LYNX1: variants seen among roughly 807,000 people sequenced by gnomAD.
The protein encoded by LYNX1 is Ly6/neurotoxin 1, also known as ly-6/neurotoxin-like protein 1.
Under a neutral mutation model 8.3 loss-of-function variants are expected in LYNX1, and 8 were observed. That is an observed-to-expected ratio of 0.97 (90% CI 0.57 to 1.74). LYNX1 has a LOEUF of 1.74. Among genes scored for constraint, LYNX1 ranks in the 40% most tolerant of loss-of-function variants. The pLI is 0.00. For missense variants in LYNX1, 158 were observed against 159.7 expected (o/e 0.99, Z 0.06); for synonymous variants, 73 against 67.9 (o/e 1.08, Z -0.37).
chr8:142,775,746 G>GCC, intron 2 of LYNX1, 52 bp from the exon 3 acceptor site: 2 of 1,538,770 alleles, frequency 1.3e-6, no homozygotes, highest in African/African-American at 1.4e-5. Context: ...AACATGAGAG[G>GCC]CCCCTCCTCC....
In LYNX1 at chr8:142,772,294, C is replaced by A; in HGVS notation, c.*2873G>T. 1 of 985,876 alleles carries A rather than the reference C, an allele frequency of 1.0e-6. No individual in the cohort carries two copies. Among genetic ancestry groups the A allele is most frequent in the African/African-American group, 1.7e-5 (1 of 57,362 alleles). 61.1% of individuals were successfully genotyped at this position (985,876 alleles called of 1,614,324 possible). On this transcript the variant is annotated 3_prime_UTR_variant, in exon 4 of 4. Coordinates refer to ENST00000652477, the MANE Select transcript of LYNX1 (RefSeq NM_177477.4). ...GATCCCCGAAGTGGGAACTGGGCCC[C>A]CATGGTGCCCAGTGCCTCTCCCCCT...
Position 142,773,820 on chromosome 8 carries a change from A to G in LYNX1, c.*1347T>C. Reference sequence around the variant, plus strand: ...ATCCTGCCCATGCGGGATGGCTTGAAGGGTTTCTCAGGACACCAGAGCTGG... The same window carrying G: ...ATCCTGCCCATGCGGGATGGCTTGAGGGGTTTCTCAGGACACCAGAGCTGG... On this transcript the variant is annotated 3_prime_UTR_variant, in exon 4 of 4. Transcript: ENST00000652477. 2 of 985,300 alleles carry G rather than the reference A, an allele frequency of 2.0e-6. No homozygotes were observed. Among genetic ancestry groups the G allele is most frequent in the Non-Finnish European group, 2.4e-6 (2 of 829,902 alleles). The allele number at this position is 985,300 out of a possible 1,614,324, so 61.0% of individuals were successfully genotyped here.
Position 142,775,141 on chromosome 8 carries a change from T to C in LYNX1, c.*26A>G, listed in dbSNP as rs1815348411. 6.2e-6 allele frequency: 10 copies of C among 1,602,416 alleles called. No homozygotes were observed. The highest frequency in any genetic ancestry group is 8.5e-6 in the Non-Finnish European group (10 of 1,175,468). The stretch of plus-strand genomic sequence containing the variant: ...TAGCAGTGTGTCTCGAGAGCTTTGT[T>C]CTTGAGTGGGTCTGCCTCGGGGGCT... On this transcript the variant is annotated 3_prime_UTR_variant, in exon 4 of 4. Coordinates refer to ENST00000652477, the MANE Select transcript of LYNX1 (RefSeq NM_177477.4).
At position 142,774,505 on chromosome 8, in the gene LYNX1, ACC is replaced by A. The variant is rs970861210; in HGVS notation, c.*660_*661del. 1 of 985,352 alleles carries A rather than the reference ACC, an allele frequency of 1.0e-6. No homozygotes were observed. Among genetic ancestry groups the A allele is most frequent in the African/African-American group, 1.8e-5 (1 of 57,076 alleles). The allele number at this position is 985,352 out of a possible 1,614,324, so 61.0% of individuals were successfully genotyped here. The stretch of plus-strand genomic sequence containing the variant: ...AAGGGGTTTGACTGAGAGGACACAC[ACC>A]CCTTGCTGGACCCGAAAAAGCTTCT... On this transcript the variant is annotated 3_prime_UTR_variant, in exon 4 of 4. Coordinates refer to ENST00000652477, the MANE Select transcript of LYNX1 (RefSeq NM_177477.4).
chr8:142,773,036 G>C lies in LYNX1; in HGVS notation c.*2131C>G, dbSNP rs941519032. ...CCTCCCCATCACCCCACTGAGACTC[G>C]AGACAGGGAGGACCTGATCCTGGAG... On this transcript the variant is annotated 3_prime_UTR_variant, in exon 4 of 4. Coordinates refer to ENST00000652477, the MANE Select transcript of LYNX1 (RefSeq NM_177477.4). The C allele has an allele frequency of 3.0e-6, 3 of 985,460 alleles. No individual in the cohort carries two copies. Among genetic ancestry groups the C allele is most frequent in the Non-Finnish European group, 3.6e-6 (3 of 829,978 alleles). 61.0% of individuals were successfully genotyped at this position (985,460 alleles called of 1,614,324 possible). A position where few individuals can be genotyped will look rare whatever the true frequency, so the allele number is the denominator to read the frequency against.
chr8:142,777,853 G>A, upstream of LYNX1: 1 of 398,764 alleles, frequency 2.5e-6, no homozygotes, highest in Non-Finnish European at 4.4e-6. Flanking sequence ...CCCGCGCCGC[G>A]TCGTTTGTCG....
rs1396855305 is a variant in LYNX1 at position 142,774,036 on chromosome 8, C to T, written c.*1131G>A. 2.0e-6 allele frequency: 2 copies of T among 985,386 alleles called. No individual in the cohort carries two copies. The highest frequency in any genetic ancestry group is 3.5e-5 in the African/African-American group (2 of 57,230). 61.0% of individuals were successfully genotyped at this position (985,386 alleles called of 1,614,324 possible). Reference sequence around the variant, plus strand: ...TGGGGTCCCTGGGAGTCCACACACCCAGCTGGGGCTTCCACCCTGCCCTCC... The same window carrying T: ...TGGGGTCCCTGGGAGTCCACACACCTAGCTGGGGCTTCCACCCTGCCCTCC... On this transcript the variant is annotated 3_prime_UTR_variant, in exon 4 of 4. Transcript: ENST00000652477.
chr8:142,772,532 G>A lies in LYNX1; in HGVS notation c.*2635C>T, dbSNP rs1815226391. The A allele has an allele frequency of 2.0e-6, 2 of 985,406 alleles. No individual in the cohort carries two copies. Among genetic ancestry groups the A allele is most frequent in the African/African-American group, 1.7e-5 (1 of 57,252 alleles). 61.0% of individuals were successfully genotyped at this position (985,406 alleles called of 1,614,324 possible). On this transcript the variant is annotated 3_prime_UTR_variant, in exon 4 of 4. Coordinates refer to ENST00000652477, the MANE Select transcript of LYNX1 (RefSeq NM_177477.4). The stretch of plus-strand genomic sequence containing the variant: ...GCAGGGGGTGGTGAGTGAGCGAGGA[G>A]GCACTAGTGTGGGGCAGCTACTTCA...
At position 142,771,613 on chromosome 8, in the gene LYNX1, G is replaced by C. The variant is rs979134498; in HGVS notation, c.*3554C>G. On this transcript the variant is annotated 3_prime_UTR_variant, in exon 4 of 4. Transcript: ENST00000652477. ...GATTCAGGCCCTCCCTGCGAGCTGA[G>C]GTTTGAAGAGGAGAGCAGACCACCC... 20 of 985,644 alleles carry C rather than the reference G, an allele frequency of 2.0e-5. No individual in the cohort carries two copies. Among genetic ancestry groups the C allele is most frequent in the Non-Finnish European group, 2.4e-5 (20 of 829,996 alleles). The allele number at this position is 985,644 out of a possible 1,614,324, so 61.1% of individuals were successfully genotyped here.
chr8:142,777,699 A>T (rs1815486519), upstream of LYNX1: 1 of 397,348 alleles, frequency 2.5e-6, no homozygotes, highest in Non-Finnish European at 4.4e-6. Context: ...CAGTCCAGGC[A>T]TCTGGATCTC....
Position 142,772,533 on chromosome 8 carries a change from G to A in LYNX1, c.*2634C>T. 2 of 985,526 alleles carry A rather than the reference G, an allele frequency of 2.0e-6. No homozygotes were observed. Among genetic ancestry groups the A allele is most frequent in the South Asian group, 9.4e-5 (2 of 21,294 alleles). 61.0% of individuals were successfully genotyped at this position (985,526 alleles called of 1,614,324 possible). A position where few individuals can be genotyped will look rare whatever the true frequency, so the allele number is the denominator to read the frequency against. On this transcript the variant is annotated 3_prime_UTR_variant, in exon 4 of 4. Coordinates refer to ENST00000652477, the MANE Select transcript of LYNX1 (RefSeq NM_177477.4). ...CAGGGGGTGGTGAGTGAGCGAGGAG[G>A]CACTAGTGTGGGGCAGCTACTTCAC...
rs1224605080 is a variant in LYNX1 at position 142,771,392 on chromosome 8, C to T, written c.*3775G>A. On this transcript the variant is annotated 3_prime_UTR_variant, in exon 4 of 4. Coordinates refer to ENST00000652477, the MANE Select transcript of LYNX1 (RefSeq NM_177477.4). ...CCCACGACCAGCTGAGCCAGACCAG[C>T]ATTCCCATTTCACCACCCCTTACTC... 3 of 985,424 alleles carry T rather than the reference C, an allele frequency of 3.0e-6. No homozygotes were observed. Among genetic ancestry groups the T allele is most frequent in the Non-Finnish European group, 3.6e-6 (3 of 830,008 alleles). 61.0% of individuals were successfully genotyped at this position (985,424 alleles called of 1,614,324 possible). A position where few individuals can be genotyped will look rare whatever the true frequency, so the allele number is the denominator to read the frequency against.
Position 142,774,520 on chromosome 8 carries a change from C to T in LYNX1, c.*647G>A, listed in dbSNP as rs1054413245. On this transcript the variant is annotated 3_prime_UTR_variant, in exon 4 of 4. Coordinates refer to ENST00000652477, the MANE Select transcript of LYNX1 (RefSeq NM_177477.4). ...GAGGACACACACCCCTTGCTGGACC[C>T]GAAAAAGCTTCTGTGACTTCGGGGG... 2.0e-6 allele frequency: 2 copies of T among 985,792 alleles called. No individual in the cohort carries two copies. The highest frequency in any genetic ancestry group is 4.7e-5 in the South Asian group (1 of 21,290). The allele number at this position is 985,792 out of a possible 1,614,324, so 61.1% of individuals were successfully genotyped here. A position where few individuals can be genotyped will look rare whatever the true frequency, so the allele number is the denominator to read the frequency against.
Position 142,771,659 on chromosome 8 carries a change from C to T in LYNX1, c.*3508G>A, listed in dbSNP as rs1005764629. The T allele has an allele frequency of 2.5e-5, 25 of 985,762 alleles. No individual in the cohort carries two copies. In the East Asian group the frequency reaches 6.8e-4, roughly 27 times the overall value. 61.1% of individuals were successfully genotyped at this position (985,762 alleles called of 1,614,324 possible). ...CACCCAGAGTAGTGGGAGAAAGCACCGGCAGAAAAGCTGGCATATCCACCG... is the reference window on the plus strand; with the variant it reads ...CACCCAGAGTAGTGGGAGAAAGCACTGGCAGAAAAGCTGGCATATCCACCG... On this transcript the variant is annotated 3_prime_UTR_variant, in exon 4 of 4. Transcript: ENST00000652477.
chr8:142,773,121 G>T lies in LYNX1; in HGVS notation c.*2046C>A, dbSNP rs117661765. Reference sequence around the variant, plus strand: ...CCGACAATGGGCTTGCGCAAGCCGCGCAGTGACTGCTCCCAGCCTCTCCCA... The same window carrying T: ...CCGACAATGGGCTTGCGCAAGCCGCTCAGTGACTGCTCCCAGCCTCTCCCA... On this transcript the variant is annotated 3_prime_UTR_variant, in exon 4 of 4. Transcript: ENST00000652477. 2.5e-4 allele frequency: 249 copies of T among 985,472 alleles called. No individual in the cohort carries two copies. The African/African-American group carries it at 4.1e-3, about 16-fold the overall frequency. The allele number at this position is 985,472 out of a possible 1,614,324, so 61.0% of individuals were successfully genotyped here.
chr8:142,774,957 G>C lies in LYNX1; in HGVS notation c.*210C>G. The C allele has an allele frequency of 7.0e-7, 1 of 1,427,350 alleles. No individual in the cohort carries two copies. Among genetic ancestry groups the C allele is most frequent in the Non-Finnish European group, 9.1e-7 (1 of 1,094,888 alleles). 88.4% of individuals were successfully genotyped at this position (1,427,350 alleles called of 1,614,324 possible). A position where few individuals can be genotyped will look rare whatever the true frequency, so the allele number is the denominator to read the frequency against. On this transcript the variant is annotated 3_prime_UTR_variant, in exon 4 of 4. Coordinates refer to ENST00000652477, the MANE Select transcript of LYNX1 (RefSeq NM_177477.4). ...GCCCATCAAAGCCGGACACTTTTGG[G>C]ATCCCACACAGCATCGAAAGGTCAA... is the stretch of plus-strand genomic sequence containing the variant.
rs1815233698 is a variant in LYNX1 at position 142,772,699 on chromosome 8, G to A, written c.*2468C>T. 2 of 985,642 alleles carry A rather than the reference G, an allele frequency of 2.0e-6. No homozygotes were observed. The highest frequency in any genetic ancestry group is 1.2e-6 in the Non-Finnish European group (1 of 830,064). 61.1% of individuals were successfully genotyped at this position (985,642 alleles called of 1,614,324 possible). A position where few individuals can be genotyped will look rare whatever the true frequency, so the allele number is the denominator to read the frequency against. ...ACCTTGATGCATACAACCCGGACAA[G>A]TTTACTGCTGTGATTTCTGCCGGCG... is the stretch of plus-strand genomic sequence containing the variant. On this transcript the variant is annotated 3_prime_UTR_variant, in exon 4 of 4. Transcript: ENST00000652477.
rs1241271428 is a variant in LYNX1 at position 142,775,699 on chromosome 8, G to T, written c.53-5C>A. The T allele has an allele frequency of 6.3e-7, 1 of 1,590,462 alleles. No homozygotes were observed. Among genetic ancestry groups the T allele is most frequent in the Non-Finnish European group, 8.6e-7 (1 of 1,168,360 alleles). On this transcript the variant is annotated splice_polypyrimidine_tract_variant and splice_region_variant and intron_variant, in intron 2 of 3. Transcript: ENST00000652477. The stretch of plus-strand genomic sequence containing the variant: ...CGTGGCAGTCCAAGGCCTGGGCTGG[G>T]GTTGGCAGATGGGCGGGAAGGGAAC...
rs139963979 is a variant in LYNX1, at chr8:142,775,793, G to A, written c.53-99C>T. ...CCCCCAGCCCGTCACCTTCCCCGGG[G>A]CAGGGGGCTAGAAGGAGGGGTTGTC... On this transcript the variant is annotated intron_variant, in intron 2 of 3. Coordinates refer to ENST00000652477, the MANE Select transcript of LYNX1 (RefSeq NM_177477.4). The A allele has an allele frequency of 3.0e-4, 469 of 1,541,912 alleles. 1 individual carries two copies. The African/African-American group carries it at 5.5e-3, about 18-fold the overall frequency.
Sources: gnomAD v4.1 joint callset for allele counts on GRCh38, gnomAD v4.1.1 for gene constraint, MANE v1.5 for transcripts, NCBI Gene and HGNC (gene_info 2026-07-23, HGNC 2026-07-21) for gene names.